HPSE2: variants seen among roughly 807,000 people sequenced by gnomAD.
HPSE2 encodes the protein inactive heparanase-2.
A neutral mutation model predicts 60.5 loss-of-function variants in HPSE2; 38 were observed. The observed-to-expected ratio is 0.63, with a 90% CI of 0.48 to 0.82. HPSE2 has a LOEUF of 0.82. Ranked by LOEUF, HPSE2 falls within the 40% of genes least tolerant of loss-of-function variation. HPSE2 has a pLI of 0.00. For missense variants in HPSE2, 713 were observed against 740.4 expected (o/e 0.96, Z 0.43); for synonymous variants, 295 against 293.2 (o/e 1.01, Z -0.06).
chr10:99,011,136 G>GTT (rs34843826), intron 3 of HPSE2, among the ~76,000 whole-genome samples: 60 of 150,582 alleles, frequency 4.0e-4, no homozygotes, highest in African/African-American at 6.6e-4. Flanking sequence ...CCTGTGTTAG[G>GTT]TTTTTTTTTG....
chr10:98,918,841 TA>T (rs1564655718), intron 3 of HPSE2, among the ~76,000 whole-genome samples: 1 of 151,412 alleles, frequency 6.6e-6, no homozygotes, highest in East Asian at 2.0e-4. Context: ...ATAATAAAAA[TA>T]AAAAACAAAA....
chr10:98,672,331 C>T (rs1476416205), intron 6 of HPSE2, among the ~76,000 whole-genome samples: 1 of 152,192 alleles, frequency 6.6e-6, no homozygotes, highest in Non-Finnish European at 1.5e-5. Context: ...AGGAAACTCC[C>T]TGATCCCAGA....
intron 9 of HPSE2, among the ~76,000 whole-genome samples, chr10:98,550,223 A>T (rs1943818394): frequency 1.3e-5 from 2 of 151,942 alleles, no homozygotes; most frequent in Non-Finnish European, 2.9e-5. Context: ...TTCCCAGCCT[A>T]GTAAACTTCT....
chr10:99,013,142 G>A, intron 3 of HPSE2: 3 of 673,674 alleles, frequency 4.5e-6, no homozygotes, highest in South Asian at 2.8e-5. Flanking sequence ...CAAGTCCTTG[G>A]CACAATCCCT....
intron 9 of HPSE2, among the ~76,000 whole-genome samples, chr10:98,492,523 A>AG (rs1392102512): frequency 1.3e-5 from 2 of 151,468 alleles, no homozygotes; most frequent in Non-Finnish European, 2.9e-5. Flanking sequence ...AAAAAAAAAA[A>AG]AAAGAAAAGA....
intron 9 of HPSE2, among the ~76,000 whole-genome samples, chr10:98,568,031 C>G (rs1411655856): frequency 5.9e-5 from 9 of 152,166 alleles, no homozygotes; most frequent in Non-Finnish European, 2.9e-5. Context: ...CCACATAGCT[C>G]TCAAAAACAT....
chr10:98,680,909 C>A (rs973626439), intron 6 of HPSE2, among the ~76,000 whole-genome samples: 3 of 151,942 alleles, frequency 2.0e-5, no homozygotes, highest in Non-Finnish European at 2.9e-5. Flanking sequence ...GTGCATGCCA[C>A]CACGCCCAGC....
chr10:98,938,386 G>C (rs11189889), intron 3 of HPSE2, among the ~76,000 whole-genome samples: 12,799 of 143,848 alleles, frequency 0.089, 2,846 homozygotes, highest in African/African-American at 0.24. Flanking sequence ...ATACAGAGAA[G>C]TGCTTAAAGT....
At chr10:98,749,173 G>A (rs913735534) in intron 3 of HPSE2, among the ~76,000 whole-genome samples, 1 of 151,994 alleles carries the variant, frequency 6.6e-6, no homozygotes, top group Non-Finnish European at 1.5e-5. Context: ...ACTAAGATAT[G>A]AATGACAGAT....
the HPSE2 span, among the ~76,000 whole-genome samples, chr10:99,265,379 T>C: frequency 6.6e-6 from 1 of 152,156 alleles, no homozygotes; most frequent in Admixed American, 6.5e-5. Flanking sequence ...TGGACATGCA[T>C]GACAATGAGA....
intron 3 of HPSE2, among the ~76,000 whole-genome samples, chr10:98,940,371 A>G (rs1954954307): frequency 7.0e-6 from 1 of 143,510 alleles, no homozygotes; most frequent in South Asian, 2.1e-4. Flanking sequence ...GAAGAATCAA[A>G]TAGACGCAAT....
chr10:99,045,998 T>G (rs1318930054), intron 3 of HPSE2, among the ~76,000 whole-genome samples: 1 of 152,102 alleles, frequency 6.6e-6, no homozygotes, highest in East Asian at 1.9e-4. Context: ...GAAGCCAACA[T>G]CAGCCTAATA....
chr10:99,210,062 T>TA (rs1274720506), intron 2 of HPSE2, among the ~76,000 whole-genome samples: 1 of 151,958 alleles, frequency 6.6e-6, no homozygotes. Context: ...AAAACTAAAA[T>TA]AAATAAAATT....
At chr10:98,764,085 T>C (rs539340479) in intron 3 of HPSE2, among the ~76,000 whole-genome samples, 1 of 152,176 alleles carries the variant, frequency 6.6e-6, no homozygotes, top group African/African-American at 2.4e-5. Context: ...ATTACATCTA[T>C]GTATGTTGAA....
chr10:98,502,657 A>G (rs1942065064), intron 9 of HPSE2, among the ~76,000 whole-genome samples: 1 of 152,250 alleles, frequency 6.6e-6, no homozygotes. Flanking sequence ...TTCATGAACA[A>G]GAACCCAAAA....
At chr10:98,767,849 C>G (rs1161676925) in intron 3 of HPSE2, among the ~76,000 whole-genome samples, 1 of 144,132 alleles carries the variant, frequency 6.9e-6, no homozygotes, top group African/African-American at 2.5e-5. Flanking sequence ...ACATTTATAT[C>G]CTTGAAAGAC....
intron 9 of HPSE2, among the ~76,000 whole-genome samples, chr10:98,593,487 T>C (rs1945146924): frequency 6.6e-6 from 1 of 152,080 alleles, no homozygotes; most frequent in South Asian, 2.1e-4. Flanking sequence ...TAATCATATG[T>C]TTAACTATGA....
At chr10:99,076,110 T>C (rs939942208) in intron 3 of HPSE2, among the ~76,000 whole-genome samples, 6 of 152,104 alleles carry the variant, frequency 3.9e-5, no homozygotes. Flanking sequence ...GTCTTGTAAT[T>C]CTTTTGTCCC....
At chr10:98,660,261 C>G (rs190613417) in intron 6 of HPSE2, among the ~76,000 whole-genome samples, 1 of 152,210 alleles carries the variant, frequency 6.6e-6, no homozygotes, top group African/African-American at 2.4e-5. Flanking sequence ...TTTGTTAGCA[C>G]TATGAGTGCA....
Sources: allele counts gnomAD v4.1 joint callset (sites outside exome capture counted in the v4.1 genomes callset), GRCh38; gene constraint gnomAD v4.1.1; transcripts MANE v1.5; gene names NCBI Gene and HGNC (gene_info 2026-07-23, HGNC 2026-07-21).